Variants in EGFR observed in about 807,000 individuals in gnomAD.
The protein encoded by EGFR is avian erythroblastic leukemia viral (v-erb-b) oncogene homolog.
EGFR carries 58 observed loss-of-function variants against 143.0 expected under a neutral mutation model. The observed-to-expected ratio is 0.41, with a 90% CI of 0.33 to 0.50. The LOEUF is 0.50. Among genes scored for constraint, EGFR ranks in the 20% least tolerant of loss-of-function variants. The pLI is 0.39. For missense variants in EGFR, 1,307 were observed against 1,579.0 expected (o/e 0.83, Z 2.92); for synonymous variants, 613 against 594.4 (o/e 1.03, Z -0.45).
At chr7:55,175,259 T>A (rs1015692325) in intron 19 of EGFR, among the ~76,000 whole-genome samples, 6 of 152,248 alleles carry the variant, frequency 3.9e-5, no homozygotes, top group African/African-American at 1.4e-4. Context: ...CACCAAGTTA[T>A]CTCATCTTTG....
At chr7:55,101,871 G>T (rs1332317928) in intron 1 of EGFR, among the ~76,000 whole-genome samples, 2 of 152,160 alleles carry the variant, frequency 1.3e-5, no homozygotes, top group African/African-American at 4.8e-5. Context: ...AGCAACGGAG[G>T]TTCAGCAATT....
chr7:55,115,186 T>A (rs1792761478), intron 1 of EGFR, among the ~76,000 whole-genome samples: 1 of 152,230 alleles, frequency 6.6e-6, no homozygotes, highest in Non-Finnish European at 1.5e-5. Flanking sequence ...GAATTTAGTA[T>A]GGCTTCAAAA....
chr7:55,088,947 A>C (rs138594732), intron 1 of EGFR, among the ~76,000 whole-genome samples: 1 of 152,174 alleles, frequency 6.6e-6, no homozygotes, highest in African/African-American at 2.4e-5. Flanking sequence ...TAAAAAGTAT[A>C]ATGATTTCAG....
chr7:55,152,766 A>C lies in EGFR; in HGVS notation c.747+102A>C, dbSNP rs558961840. 10 of 958,534 alleles carry C rather than the reference A, an allele frequency of 1.0e-5. No homozygotes were observed. The Admixed American group carries it at 1.6e-4, about 16-fold the overall frequency. The allele number at this position is 958,534 out of a possible 1,614,324, so 59.4% of individuals were successfully genotyped here. On this transcript the variant is annotated intron_variant, in intron 6 of 27. Transcript: ENST00000275493. ...TCCTGTGGGGGAGCTGTCAATTAGC[A>C]TTTGTCATAACAGACAGGATATTGC...
chr7:55,019,276 C>T lies in EGFR; in HGVS notation c.-2C>T, dbSNP rs769658183. On this transcript the variant is annotated 5_prime_UTR_variant, in exon 1 of 28. Transcript: ENST00000275493. ...CCGGAGCGAGCTCTTCGGGGAGCAG[C>T]GATGCGACCCTCCGGGACGGCCGGG... is the stretch of plus-strand genomic sequence containing the variant. The T allele has an allele frequency of 6.7e-7, 1 of 1,498,648 alleles. No homozygotes were observed. Among genetic ancestry groups the T allele is most frequent in the Non-Finnish European group, 8.9e-7 (1 of 1,118,464 alleles). The allele number at this position is 1,498,648 out of a possible 1,614,324, so 92.8% of individuals were successfully genotyped here.
chr7:55,199,068 T>A (rs1414017535), intron 23 of EGFR, among the ~76,000 whole-genome samples: 2 of 152,256 alleles, frequency 1.3e-5, no homozygotes, highest in Non-Finnish European at 2.9e-5. Flanking sequence ...ACCTGACATT[T>A]GCCCATGTTT....
rs535895854 is a variant in EGFR at position 55,189,154 on chromosome 7, A to G, written c.2470-2565A>G. ...TACACATATACATATATATATATACACACATATGCATATATATAAAACCCC... is the reference window on the plus strand; with the variant it reads ...TACACATATACATATATATATATACGCACATATGCATATATATAAAACCCC... On this transcript the variant is annotated intron_variant, in intron 20 of 27. Transcript: ENST00000275493. Among the ~76,000 whole-genome samples, 37 of 152,216 alleles carry G rather than the reference A, an allele frequency of 2.4e-4. No homozygotes were observed. In the South Asian group the frequency reaches 4.4e-3, roughly 18 times the overall value.
At chr7:55,095,337 A>G (rs1382241140) in intron 1 of EGFR, among the ~76,000 whole-genome samples, 4 of 152,238 alleles carry the variant, frequency 2.6e-5, no homozygotes, top group African/African-American at 9.6e-5. Flanking sequence ...TGTGAGGATT[A>G]AGTGAGGAGA....
At position 55,192,810 on chromosome 7, in the gene EGFR, C is replaced by A. The variant is rs1338602648; in HGVS notation, c.2670C>A (p.Ile890=). 2 of 1,614,230 alleles carry A rather than the reference C, an allele frequency of 1.2e-6. No individual in the cohort carries two copies. The highest frequency in any genetic ancestry group is 1.7e-6 in the Non-Finnish European group (2 of 1,180,034). The part of the protein sequence containing the change: ...WMALESILHR[I]YTHQSDVWSY... ...CATTGGAATCAATTTTACACAGAAT[C>A]TATACCCACCAGAGTGATGTCTGGA... Residue 890 remains isoleucine, a synonymous_variant, in exon 22 of 28, where the codon ATC becomes ATA. Transcript: ENST00000275493.
chr7:55,035,551 C>T (rs1215134876), intron 1 of EGFR, among the ~76,000 whole-genome samples: 2 of 151,074 alleles, frequency 1.3e-5, no homozygotes, highest in Non-Finnish European at 2.9e-5. Context: ...CGCATGGTGG[C>T]AGGTGTGCCT....
chr7:55,207,276 A>G lies in EGFR; in HGVS notation c.*1659A>G, dbSNP rs759398265. The G allele has an allele frequency of 3.9e-5, 9 of 232,828 alleles. No homozygotes were observed. The highest frequency in any genetic ancestry group is 4.4e-5 in the African/African-American group (2 of 45,330). 14.4% of individuals were successfully genotyped at this position (232,828 alleles called of 1,614,324 possible). ...CCAGATCAGTCAGAGCCCCTACAGC[A>G]TTGTTAAGAAAGTATTTGATTTTTG... On this transcript the variant is annotated 3_prime_UTR_variant, in exon 28 of 28. Transcript: ENST00000275493.
chr7:55,176,246 G>T (rs1242552595), intron 19 of EGFR, among the ~76,000 whole-genome samples: 1 of 152,182 alleles, frequency 6.6e-6, no homozygotes, highest in African/African-American at 2.4e-5. Context: ...ATTTATAAAT[G>T]CAGTGTGAGG....
intron 19 of EGFR, among the ~76,000 whole-genome samples, chr7:55,175,330 A>G (rs1786549651): frequency 6.6e-6 from 1 of 152,218 alleles, no homozygotes; most frequent in Admixed American, 6.5e-5. Context: ...ACTGTTGCCC[A>G]CCTTCTGTAC....
intron 1 of EGFR, among the ~76,000 whole-genome samples, chr7:55,088,503 G>T (rs1790901241): frequency 6.6e-6 from 1 of 152,210 alleles, no homozygotes; most frequent in African/African-American, 2.4e-5. Flanking sequence ...TAATTCCAGA[G>T]TGATTTTAAA....
rs2128927499 is a variant in EGFR, at chr7:55,143,451, A to T, written c.387A>T (p.Lys129Asn). Reference protein sequence around the residue: ...LAVLSNYDANKTGLKELPMRN... With the variant: ...LAVLSNYDANNTGLKELPMRN... ...TCTTATCTAACTATGATGCAAATAA[A>T]ACCGGACTGAAGGAGCTGCCCATGA... The change falls in exon 3 of 28, where the codon AAA becomes AAT. Residue 129 changes from lysine to asparagine, a missense_variant. Coordinates refer to ENST00000275493, the MANE Select transcript of EGFR (RefSeq NM_005228.5). 1 of 1,614,220 alleles carries T rather than the reference A, an allele frequency of 6.2e-7. No homozygotes were observed. The highest frequency in any genetic ancestry group is 8.5e-7 in the Non-Finnish European group (1 of 1,180,040).
chr7:55,086,371 GA>G (rs1205935293), intron 1 of EGFR, among the ~76,000 whole-genome samples: 3 of 151,940 alleles, frequency 2.0e-5, no homozygotes, highest in African/African-American at 7.3e-5. Context: ...TCCCTTTGAA[GA>G]AAAAAGCCCT....
chr7:55,157,589 G>T, intron 10 of EGFR, 74 bp from the exon 11 acceptor site: 1 of 1,220,696 alleles, frequency 8.2e-7, no homozygotes, highest in South Asian at 1.2e-5. Context: ...GTCCCTGAGA[G>T]TCTAGAGTAA....
intron 15 of EGFR, 114 bp downstream of exon 15, chr7:55,165,551 A>G (rs1785935316): frequency 9.8e-6 from 14 of 1,429,238 alleles, no homozygotes; most frequent in Non-Finnish European, 1.3e-5. Flanking sequence ...TGAGTCAGTT[A>G]CTTAAGGTGT....
intron 1 of EGFR, among the ~76,000 whole-genome samples, chr7:55,029,756 A>G (rs990589543): frequency 2.0e-5 from 3 of 152,136 alleles, no homozygotes; most frequent in African/African-American, 4.8e-5. Context: ...GGGGAGAGAA[A>G]ACAGGTTAGA....
Sources: allele counts gnomAD v4.1 joint callset (sites outside exome capture counted in the v4.1 genomes callset), GRCh38; gene constraint gnomAD v4.1.1; transcripts MANE v1.5; gene names NCBI Gene and HGNC (gene_info 2026-07-23, HGNC 2026-07-21).